Variants in TIGD1 observed in about 807,000 individuals in gnomAD.
The protein encoded by TIGD1 is tigger transposable element derived 1.
In TIGD1, 20 loss-of-function variants were observed where a neutral mutation model predicts 21.3. The observed-to-expected ratio is 0.94, with a 90% CI of 0.66 to 1.36. The LOEUF (loss-of-function observed/expected upper bound fraction) is 1.36. TIGD1 is among the 40% of genes most tolerant of loss of function. The pLI is 0.00. For missense variants in TIGD1, 556 were observed against 350.5 expected (o/e 1.59, Z -4.68); for synonymous variants, 177 against 123.2 (o/e 1.44, Z -2.89).
rs1459398248 is a variant in TIGD1, at chr2:232,544,021, G to A, written c.*4086C>T. ...AAGTCGAAAAAGCAGGAGTCTGCCA[G>A]GGCAGTCTGATTCCAGTCTGTGTGA... On this transcript the variant is annotated 3_prime_UTR_variant, in exon 1 of 1. Coordinates refer to ENST00000408957, the MANE Select transcript of TIGD1 (RefSeq NM_145702.4). 6.6e-6 allele frequency among the ~76,000 whole-genome samples: 1 copy of A among 152,246 alleles called. No homozygotes were observed. The highest frequency in any genetic ancestry group is 1.9e-4 in the East Asian group (1 of 5,196).
chr2:232,545,824 C>T lies in TIGD1; in HGVS notation c.*2283G>A, dbSNP rs937394965. 4 of 1,269,166 alleles carry T rather than the reference C, an allele frequency of 3.2e-6. No individual in the cohort carries two copies. Among genetic ancestry groups the T allele is most frequent in the South Asian group, 1.2e-5 (1 of 83,122 alleles). The allele number at this position is 1,269,166 out of a possible 1,614,324, so 78.6% of individuals were successfully genotyped here. On this transcript the variant is annotated 3_prime_UTR_variant, in exon 1 of 1. Transcript: ENST00000408957. ...CCTAAGTGTGCTCTTTGGGAAGTGC[C>T]CTTCAGGACTGTGTGAGCCAAACAG...
chr2:232,545,443 A>G lies in TIGD1; in HGVS notation c.*2664T>C, dbSNP rs1183203001. ...GACATAGGTAAGAAGGGCCCCAGGA[A>G]ATGGAGACATGGGCCTGCTGGAAGC... On this transcript the variant is annotated 3_prime_UTR_variant, in exon 1 of 1. Transcript: ENST00000408957. 1.8e-6 allele frequency: 2 copies of G among 1,100,288 alleles called. No homozygotes were observed. Among genetic ancestry groups the G allele is most frequent in the Non-Finnish European group, 2.7e-6 (2 of 747,528 alleles). 68.2% of individuals were successfully genotyped at this position (1,100,288 alleles called of 1,614,324 possible).
In TIGD1 at chr2:232,544,782, G is replaced by C; in HGVS notation, c.*3325C>G. The C allele has an allele frequency of 4.3e-6, 7 of 1,613,986 alleles. No homozygotes were observed. The highest frequency in any genetic ancestry group is 5.1e-6 in the Non-Finnish European group (6 of 1,180,010). On this transcript the variant is annotated 3_prime_UTR_variant, in exon 1 of 1. Transcript: ENST00000408957. ...CTTTCTCTTTATCAGAGAAAGGCCCGGAGTTAGGGCTGAGCCAGTTCTGTG... is the reference window on the plus strand; with the variant it reads ...CTTTCTCTTTATCAGAGAAAGGCCCCGAGTTAGGGCTGAGCCAGTTCTGTG...
At position 232,544,708 on chromosome 2, in the gene TIGD1, G is replaced by T; in HGVS notation, c.*3399C>A. ...AGAGGAGCTGGGGTCCCTAAGGAGA[G>T]GCCATCTTCTCTGCCTGTTTCTCCT... On this transcript the variant is annotated 3_prime_UTR_variant, in exon 1 of 1. Coordinates refer to ENST00000408957, the MANE Select transcript of TIGD1 (RefSeq NM_145702.4). 1.4e-5 allele frequency: 22 copies of T among 1,599,344 alleles called. No homozygotes were observed. The highest frequency in any genetic ancestry group is 1.8e-5 in the Non-Finnish European group (21 of 1,167,676).
In TIGD1 at chr2:232,545,011, A is replaced by G; in HGVS notation, c.*3096T>C. Reference sequence around the variant, plus strand: ...AGATAGGGCAGTGGGATGGAAAAACATGAGGCCGGGTGCAGTGGGTCACAC... The same window carrying G: ...AGATAGGGCAGTGGGATGGAAAAACGTGAGGCCGGGTGCAGTGGGTCACAC... On this transcript the variant is annotated 3_prime_UTR_variant, in exon 1 of 1. Coordinates refer to ENST00000408957, the MANE Select transcript of TIGD1 (RefSeq NM_145702.4). 1 of 1,432,628 alleles carries G rather than the reference A, an allele frequency of 7.0e-7. No homozygotes were observed. Among genetic ancestry groups the G allele is most frequent in the Non-Finnish European group, 9.7e-7 (1 of 1,034,276 alleles). 88.7% of individuals were successfully genotyped at this position (1,432,628 alleles called of 1,614,324 possible). A position where few individuals can be genotyped will look rare whatever the true frequency, so the allele number is the denominator to read the frequency against.
rs577789391 is a variant in TIGD1 at position 232,549,848 on chromosome 2, C to T, written c.35G>A (p.Arg12His). ...TTTTTGATTTAAAGTGAGAGATGTGCGACTCTTCCTTTCACTTGAGCACTT... is the reference window on the plus strand; with the variant it reads ...TTTTTGATTTAAAGTGAGAGATGTGTGACTCTTCCTTTCACTTGAGCACTT... ...ASKCSSERKS[R>H]TSLTLNQKLE... Residue 12 changes from arginine (R) to histidine (H), a missense_variant, in exon 1 of 1, where the codon CGC becomes CAC. Coordinates refer to ENST00000408957, the MANE Select transcript of TIGD1 (RefSeq NM_145702.4). The T allele has an allele frequency of 2.6e-5, 40 of 1,527,660 alleles. No homozygotes were observed. The African/African-American group carries it at 3.5e-4, about 13-fold the overall frequency. 94.6% of individuals were successfully genotyped at this position (1,527,660 alleles called of 1,614,324 possible).
At position 232,548,637 on chromosome 2, in the gene TIGD1, C is replaced by A. The variant is rs1298173164; in HGVS notation, c.1246G>T (p.Gly416Trp). The change falls in exon 1 of 1, where the codon GGG (glycine) becomes TGG (tryptophan). Residue 416 changes from glycine to tryptophan, a missense_variant. By Grantham distance (184) the Gly-to-Trp change is radical (BLOSUM62 -2). Transcript: ENST00000408957. ...ACTTCCTCCACTGAAGTCTTGAACC[C>A]CTCATAGTCATCAATGAGGGTGGGA... ...LIPTLIDDYE[G>W]FKTSVEEVSA... 1 of 515,058 alleles carries A rather than the reference C, an allele frequency of 1.9e-6. No individual in the cohort carries two copies. Among genetic ancestry groups the A allele is most frequent in the Non-Finnish European group, 3.7e-6 (1 of 272,306 alleles). The allele number at this position is 515,058 out of a possible 1,614,324, so 31.9% of individuals were successfully genotyped here. A position where few individuals can be genotyped will look rare whatever the true frequency, so the allele number is the denominator to read the frequency against.
chr2:232,548,085 T>C lies in TIGD1; in HGVS notation c.*22A>G, dbSNP rs1301942279. On this transcript the variant is annotated 3_prime_UTR_variant, in exon 1 of 1. Transcript: ENST00000408957. ...TACATACCTAAATTTAAAAATACTT[T>C]ATTGCTAAAAAATGCTGATTATCAA... 2 of 618,536 alleles carry C rather than the reference T, an allele frequency of 3.2e-6. No individual in the cohort carries two copies. The highest frequency in any genetic ancestry group is 5.5e-6 in the Non-Finnish European group (2 of 365,328). 38.3% of individuals were successfully genotyped at this position (618,536 alleles called of 1,614,324 possible).
Position 232,549,659 on chromosome 2 carries a change from C to A in TIGD1, c.224G>T (p.Arg75Leu). 1.4e-6 allele frequency: 1 copy of A among 722,750 alleles called. No homozygotes were observed. Among genetic ancestry groups the A allele is most frequent in the East Asian group, 2.7e-5 (1 of 37,362 alleles). The allele number at this position is 722,750 out of a possible 1,614,324, so 44.8% of individuals were successfully genotyped here. ...CTCCATATCAGCAATAAGGCTGTTTCGCTTTCTTATCATTCGTGTGTTCAT... is the reference window on the plus strand; with the variant it reads ...CTCCATATCAGCAATAAGGCTGTTTAGCTTTCTTATCATTCGTGTGTTCAT... ...TPMNTRMIRKRNSLIADMEKV... is the reference protein window; with the variant it reads ...TPMNTRMIRKLNSLIADMEKV... Residue 75 changes from arginine to leucine, a missense_variant, in exon 1 of 1, where the codon CGA becomes CTA. Arg to Leu is a moderately radical substitution (Grantham distance 102). Coordinates refer to ENST00000408957, the MANE Select transcript of TIGD1 (RefSeq NM_145702.4).
rs1324901229 is a variant in TIGD1, at chr2:232,548,522, G to C, written c.1361C>G (p.Thr454Ser). The C allele has an allele frequency of 1.5e-6, 1 of 650,056 alleles. No individual in the cohort carries two copies. Among genetic ancestry groups the C allele is most frequent in the East Asian group, 2.8e-5 (1 of 35,092 alleles). 40.3% of individuals were successfully genotyped at this position (650,056 alleles called of 1,614,324 possible). ...AAGAAACAACTCCTCATCTGTTAAA[G>C]TTTTATCATGAGATTGCAGCAATTC... ...VTELLQSHDKTLTDEELFLMD... is the reference protein window; with the variant it reads ...VTELLQSHDKSLTDEELFLMD... Residue 454 changes from threonine to serine, a missense_variant, in exon 1 of 1, where the codon ACT becomes AGT. Physicochemically the swap from Thr to Ser is moderately conservative, Grantham distance 58 (BLOSUM62 1). Transcript: ENST00000408957.
chr2:232,548,371 TG>T lies in TIGD1; in HGVS notation c.1511del (p.Ala504GlufsTer63). On this transcript the variant is annotated frameshift_variant, in exon 1 of 1. Transcript: ENST00000408957. LOFTEE classifies it high-confidence loss of function. The part of the protein sequence containing the change: ...YYINLVDKAA[A>X]GFERIDSNFE... ...AATTGGAGTCAATCCTCTCAAACCC[TG>T]CTGCTGCTTTATCAACTAAGTTTAT... is the stretch of plus-strand genomic sequence containing the variant. 3.1e-6 allele frequency: 3 copies of T among 968,472 alleles called. No homozygotes were observed. In the Admixed American group the frequency reaches 6.2e-5, roughly 20 times the overall value. The allele number at this position is 968,472 out of a possible 1,614,324, so 60.0% of individuals were successfully genotyped here. A position where few individuals can be genotyped will look rare whatever the true frequency, so the allele number is the denominator to read the frequency against.
Position 232,548,143 on chromosome 2 carries a change from T to TG in TIGD1, c.1739dup (p.Ala581SerfsTer18). The TG allele has an allele frequency of 7.5e-6, 8 of 1,065,680 alleles. No individual in the cohort carries two copies. Among genetic ancestry groups the TG allele is most frequent in the Non-Finnish European group, 1.1e-5 (8 of 752,646 alleles). 66.0% of individuals were successfully genotyped at this position (1,065,680 alleles called of 1,614,324 possible). A position where few individuals can be genotyped will look rare whatever the true frequency, so the allele number is the denominator to read the frequency against. On this transcript the variant is annotated frameshift_variant, in exon 1 of 1. Coordinates refer to ENST00000408957, the MANE Select transcript of TIGD1 (RefSeq NM_145702.4). LOFTEE classifies it high-confidence loss of function. ...CTTCGGTGAGTCGTACTCTTTTTGC[T>TG]GGTGGAGGGTCTTGCCTCGAGGTTG...
At position 232,548,713 on chromosome 2, in the gene TIGD1, T is replaced by A; in HGVS notation, c.1170A>T (p.Ser390=). 2.0e-6 allele frequency: 1 copy of A among 491,320 alleles called. No homozygotes were observed. 30.4% of individuals were successfully genotyped at this position (491,320 alleles called of 1,614,324 possible). A position where few individuals can be genotyped will look rare whatever the true frequency, so the allele number is the denominator to read the frequency against. Residue 390 remains serine, a synonymous_variant, in exon 1 of 1, where the codon TCA becomes TCT. Coordinates refer to ENST00000408957, the MANE Select transcript of TIGD1 (RefSeq NM_145702.4). ...ILDAIKNIRD[S]WEEVKLSTLT... is the part of the protein sequence containing the mutation. ...ATGTTGACAATTTGACCTCCTCCCA[T>A]GAATCACGAATGTTTTTAATGGCAT...
At position 232,550,411 on chromosome 2, in the gene TIGD1, T is replaced by C. The variant is rs879846582; in HGVS notation, c.-529A>G. The C allele has an allele frequency of 1.8e-4, 90 of 492,830 alleles. No homozygotes were observed. Among genetic ancestry groups the C allele is most frequent in the Non-Finnish European group, 2.9e-4 (79 of 272,088 alleles). 30.5% of individuals were successfully genotyped at this position (492,830 alleles called of 1,614,324 possible). A position where few individuals can be genotyped will look rare whatever the true frequency, so the allele number is the denominator to read the frequency against. On this transcript the variant is annotated 5_prime_UTR_variant, in exon 1 of 1. Coordinates refer to ENST00000408957, the MANE Select transcript of TIGD1 (RefSeq NM_145702.4). ...AGCAGCGAGTCCAGAGCCCGCGCCG[T>C]CAACGACGCGGTGCTGCCTTTTTTC... is the stretch of plus-strand genomic sequence containing the variant.
In TIGD1 at chr2:232,544,827, C is replaced by G; in HGVS notation, c.*3280G>C. 1 of 1,613,828 alleles carries G rather than the reference C, an allele frequency of 6.2e-7. No individual in the cohort carries two copies. The highest frequency in any genetic ancestry group is 1.3e-5 in the African/African-American group (1 of 75,022). On this transcript the variant is annotated 3_prime_UTR_variant, in exon 1 of 1. Coordinates refer to ENST00000408957, the MANE Select transcript of TIGD1 (RefSeq NM_145702.4). ...TCTGTGGCAGCCTGAAGCAGGCTGC[C>G]CCAGCCATCCAGGCCTGTGTGGAAG...
rs1295319870 is a variant in TIGD1, at chr2:232,548,762, A to T, written c.1121T>A (p.Phe374Tyr). 1 of 524,730 alleles carries T rather than the reference A, an allele frequency of 1.9e-6. No individual in the cohort carries two copies. 32.5% of individuals were successfully genotyped at this position (524,730 alleles called of 1,614,324 possible). A position where few individuals can be genotyped will look rare whatever the true frequency, so the allele number is the denominator to read the frequency against. The change falls in exon 1 of 1, where the codon TTC becomes TAC. Residue 374 changes from phenylalanine to tyrosine, a missense_variant. Physicochemically the swap from Phe to Tyr is conservative, Grantham distance 22 (BLOSUM62 3). Transcript: ENST00000408957. ...ATCTAAAATGGTGAATCCTTTCCAG[A>T]AGGTTTTCAATTTGCTTTGCCCAGA... ...DGSGQSKLKT[F>Y]WKGFTILDAI...
rs1343140954 is a variant in TIGD1 at position 232,549,609 on chromosome 2, C to A, written c.274G>T (p.Asp92Tyr). Residue 92 changes from aspartate (D) to tyrosine (Y), a missense_variant, in exon 1 of 1, where the codon GAT becomes TAT. Coordinates refer to ENST00000408957, the MANE Select transcript of TIGD1 (RefSeq NM_145702.4). ...MEKVLVVWIE[D>Y]QTSRNIPLSQ... ...AAGGGAATGTTGCGGCTGGTCTGAT[C>A]TTCTATCCAGACCACTAAAACCTTC... is the stretch of plus-strand genomic sequence containing the variant. 1 of 691,888 alleles carries A rather than the reference C, an allele frequency of 1.4e-6. No individual in the cohort carries two copies. Among genetic ancestry groups the A allele is most frequent in the Non-Finnish European group, 2.6e-6 (1 of 381,520 alleles). 42.9% of individuals were successfully genotyped at this position (691,888 alleles called of 1,614,324 possible). A position where few individuals can be genotyped will look rare whatever the true frequency, so the allele number is the denominator to read the frequency against.
chr2:232,544,823 C>A lies in TIGD1; in HGVS notation c.*3284G>T, dbSNP rs764938199. The A allele has an allele frequency of 2.5e-6, 4 of 1,613,680 alleles. No individual in the cohort carries two copies. The highest frequency in any genetic ancestry group is 3.4e-6 in the Non-Finnish European group (4 of 1,179,936). The stretch of plus-strand genomic sequence containing the variant: ...CAGTTCTGTGGCAGCCTGAAGCAGG[C>A]TGCCCCAGCCATCCAGGCCTGTGTG... On this transcript the variant is annotated 3_prime_UTR_variant, in exon 1 of 1. Transcript: ENST00000408957.
rs146398054 is a variant in TIGD1, at chr2:232,548,037, T to C, written c.*70A>G. ...ATACTGTAGACCAGCAAGAGTGCAA[T>C]AGCATTGTCTAATAAAACAATATAC... On this transcript the variant is annotated 3_prime_UTR_variant, in exon 1 of 1. Transcript: ENST00000408957. 1.4e-5 allele frequency: 8 copies of C among 556,364 alleles called. No individual in the cohort carries two copies. Among genetic ancestry groups the C allele is most frequent in the East Asian group, 6.1e-5 (2 of 32,904 alleles). 34.5% of individuals were successfully genotyped at this position (556,364 alleles called of 1,614,324 possible). A position where few individuals can be genotyped will look rare whatever the true frequency, so the allele number is the denominator to read the frequency against.
Sources: allele counts gnomAD v4.1 joint callset (sites outside exome capture counted in the v4.1 genomes callset), GRCh38; gene constraint gnomAD v4.1.1; transcripts MANE v1.5; gene names NCBI Gene and HGNC (gene_info 2026-07-23, HGNC 2026-07-21).